The following TMPRSS15 variants were observed in gnomAD, a reference collection of about 807,000 sequenced individuals.
The protein encoded by TMPRSS15 is transmembrane serine protease 15, also known as enteropeptidase.
A neutral mutation model predicts 125.3 loss-of-function variants in TMPRSS15; 128 were observed. The observed-to-expected ratio is 1.02, with a 90% confidence interval of 0.89 to 1.18. The LOEUF is 1.18. TMPRSS15 is among the 50% of genes most tolerant of loss of function. The probability of loss-of-function intolerance (pLI) is 0.00; values close to 1 mark genes in which losing one functional copy is unlikely to be tolerated. For missense variants in TMPRSS15, 1,283 were observed against 1,212.7 expected, an observed-to-expected ratio of 1.06 and a Z score of -0.86; for synonymous variants, 446 against 423.2, an observed-to-expected ratio of 1.05 and a Z score of -0.66.
At chr21:18,300,264 T>G (rs577060974) in intron 18 of TMPRSS15, among the ~76,000 whole-genome samples, 1 of 151,662 alleles carries the variant, frequency 6.6e-6, no homozygotes, top group South Asian at 2.1e-4. Context: ...TTTCTCTCTT[T>G]CTTTCTCTCT....
rs1332238242 is a variant in TMPRSS15 at position 18,383,676 on chromosome 21, G to A, written c.447C>T (p.Ser149=). The change falls in exon 4 of 25, where the codon TCC becomes TCT. Residue 149 remains serine (S), a synonymous_variant. Transcript: ENST00000284885. ...ELIQGLEANK[S]SQLVTFHIDL... ...CAATATGGAAAGTGACCAGTTGGCTGGATTTATTTGCTTCAAGGCCTTGAA... is the reference window on the plus strand; with the variant it reads ...CAATATGGAAAGTGACCAGTTGGCTAGATTTATTTGCTTCAAGGCCTTGAA... 2 of 1,613,848 alleles carry A rather than the reference G, an allele frequency of 1.2e-6. No homozygotes were observed. Among genetic ancestry groups the A allele is most frequent in the Non-Finnish European group, 1.7e-6 (2 of 1,179,976 alleles).
At chr21:18,476,086 G>A (rs927478946) in intron 1 of TMPRSS15, among the ~76,000 whole-genome samples, 4 of 152,000 alleles carry the variant, frequency 2.6e-5, no homozygotes, top group Non-Finnish European at 5.9e-5. Context: ...TAATATTTAC[G>A]AGTCTGAATT....
At chr21:18,290,501 G>GA (rs771577811) in intron 21 of TMPRSS15, among the ~76,000 whole-genome samples, 1 of 144,066 alleles carries the variant, frequency 6.9e-6, no homozygotes, top group Non-Finnish European at 1.5e-5. Flanking sequence ...AAGCTTGAGG[G>GA]TTTTTTTTTT....
At chr21:18,429,917 G>A (rs139244927) in intron 1 of TMPRSS15, among the ~76,000 whole-genome samples, 2 of 152,156 alleles carry the variant, frequency 1.3e-5, no homozygotes, top group South Asian at 2.1e-4. Context: ...ATTTTAAAGA[G>A]AGATATGTAT....
chr21:18,298,990 C>T (rs978574910), intron 18 of TMPRSS15, among the ~76,000 whole-genome samples: 3 of 152,168 alleles, frequency 2.0e-5, no homozygotes, highest in African/African-American at 7.2e-5. Context: ...GAACGTAGAG[C>T]TGGGACAATA....
At chr21:18,344,910 A>T (rs1467216984) in intron 10 of TMPRSS15, among the ~76,000 whole-genome samples, 1 of 152,202 alleles carries the variant, frequency 6.6e-6, no homozygotes, top group East Asian at 1.9e-4. Context: ...GAGATGATGA[A>T]ATTTAGTGTT....
At chr21:18,280,592 AAAAC>A (rs1207584249) in intron 22 of TMPRSS15, among the ~76,000 whole-genome samples, 11 of 144,448 alleles carry the variant, frequency 7.6e-5, no homozygotes, top group South Asian at 2.1e-4. Flanking sequence ...AAAAAAAAAA[AAAAC>A]AACAAAACAA....
At chr21:18,359,978 A>C (rs1327192495) in intron 7 of TMPRSS15, 115 bp from the exon 8 acceptor site, 1 of 596,246 alleles carries the variant, frequency 1.7e-6, no homozygotes, top group Non-Finnish European at 3.1e-6. Flanking sequence ...TATGATATCT[A>C]CTCTCTTAAA....
At chr21:18,418,844 C>T (rs982361800) in intron 1 of TMPRSS15, among the ~76,000 whole-genome samples, 1 of 152,156 alleles carries the variant, frequency 6.6e-6, no homozygotes, top group Non-Finnish European at 1.5e-5. Flanking sequence ...GTATGCTATA[C>T]ATGGTAGATC....
chr21:18,465,611 C>T (rs1321234450), intron 1 of TMPRSS15, among the ~76,000 whole-genome samples: 10 of 152,084 alleles, frequency 6.6e-5, no homozygotes, highest in Non-Finnish European at 1.2e-4. Flanking sequence ...TTCCTATAAA[C>T]AAATAACAGA....
intron 1 of TMPRSS15, among the ~76,000 whole-genome samples, chr21:18,450,969 C>G (rs8134770): frequency 0.093 from 14,069 of 151,972 alleles, 1,853 homozygotes; most frequent in African/African-American, 0.3. Flanking sequence ...ATTAAAAATT[C>G]GCTGATTATT....
At chr21:18,413,317 TTCCTTCC>T (rs1569064055) in intron 1 of TMPRSS15, among the ~76,000 whole-genome samples, 46 of 95,240 alleles carry the variant, frequency 4.8e-4, no homozygotes, top group African/African-American at 1.9e-3. Context: ...TTTCTTTTCC[TTCCTTCC>T]TTCCTTCCTT....
intron 23 of TMPRSS15, among the ~76,000 whole-genome samples, chr21:18,278,610 A>G (rs543582690): frequency 1.7e-3 from 23 of 13,206 alleles, no homozygotes; most frequent in Admixed American, 0.013. Context: ...GGTCCCAGCT[A>G]CTTTGGGAGG....
At chr21:18,322,174 T>C (rs2075245388) in intron 16 of TMPRSS15, among the ~76,000 whole-genome samples, 1 of 152,190 alleles carries the variant, frequency 6.6e-6, no homozygotes, top group Non-Finnish European at 1.5e-5. Flanking sequence ...ATCTTTGACA[T>C]TGTGTTAGTT....
At chr21:18,352,593 C>CA (rs1474987707) in intron 10 of TMPRSS15, among the ~76,000 whole-genome samples, 2 of 151,984 alleles carry the variant, frequency 1.3e-5, no homozygotes, top group African/African-American at 4.8e-5. Flanking sequence ...CTAATTGCCT[C>CA]ACTCAAATCT....
intron 21 of TMPRSS15, among the ~76,000 whole-genome samples, chr21:18,292,991 T>C (rs967568974): frequency 6.6e-6 from 1 of 152,172 alleles, no homozygotes; most frequent in African/African-American, 2.4e-5. Context: ...GAGAGAGCTT[T>C]AGATGTAGAT....
chr21:18,385,830 G>A (rs372047853), intron 3 of TMPRSS15, among the ~76,000 whole-genome samples: 35 of 151,854 alleles, frequency 2.3e-4, no homozygotes, highest in Non-Finnish European at 4.4e-4. Context: ...TGCAACCTTC[G>A]CCTCCCGGGT....
At chr21:18,479,195 A>ACTTT (rs1978934619) in intron 1 of TMPRSS15, among the ~76,000 whole-genome samples, 1 of 151,968 alleles carries the variant, frequency 6.6e-6, no homozygotes. Context: ...TCTGCATAAT[A>ACTTT]CTTTCATATG....
chr21:18,305,416 C>T (rs2075026737), intron 18 of TMPRSS15, among the ~76,000 whole-genome samples: 1 of 152,044 alleles, frequency 6.6e-6, no homozygotes, highest in South Asian at 2.1e-4. Context: ...TCTCCATCTC[C>T]TGACCTCGTG....
Sources: gnomAD v4.1 joint callset for allele counts (sites outside exome capture counted in the v4.1 genomes callset) on GRCh38, gnomAD v4.1.1 for gene constraint, MANE v1.5 for transcripts, NCBI Gene and HGNC (gene_info 2026-07-23, HGNC 2026-07-21) for gene names.